The following ABCC6 variants were observed in gnomAD, a reference collection of about 807,000 sequenced individuals.
ABCC6 encodes the protein ATP binding cassette subfamily C member 6.
A neutral mutation model predicts 169.5 loss-of-function variants in ABCC6; 126 were observed. The observed-to-expected ratio is 0.74, with a 90% CI of 0.64 to 0.86. ABCC6 has a LOEUF of 0.86. Ranked by LOEUF, ABCC6 falls within the 40% of genes least tolerant of loss-of-function variation. The pLI, the probability that ABCC6 is intolerant of heterozygous loss-of-function variation, is 0.00. For synonymous variants in ABCC6, 752 were observed against 814.7 expected (o/e 0.92, Z 1.31); for missense variants, 1,733 against 1,927.2 (o/e 0.90, Z 1.89).
intron 29 of ABCC6, among the ~76,000 whole-genome samples, chr16:16,154,354 C>A (rs564190467): frequency 3.6e-4 from 55 of 152,246 alleles, no homozygotes; most frequent in African/African-American, 1.3e-3. Context: ...AAATACTGAG[C>A]AAGAGCAATA....
At chr16:16,184,881 C>T (rs2047597225) in intron 15 of ABCC6, 78 bp downstream of exon 15, 2 of 1,468,896 alleles carry the variant, frequency 1.4e-6, no homozygotes, top group African/African-American at 1.4e-5. Flanking sequence ...CACCACCTCT[C>T]AGGTGGGAGG....
At chr16:16,207,261 G>A (rs1301630179) in intron 7 of ABCC6, among the ~76,000 whole-genome samples, 3 of 152,372 alleles carry the variant, frequency 2.0e-5, no homozygotes, top group South Asian at 4.1e-4. Flanking sequence ...ACCAGTCATG[G>A]CACCAGCCCC....
intron 21 of ABCC6, chr16:16,172,998 C>T: frequency 2.1e-6 from 1 of 468,466 alleles, no homozygotes; most frequent in Non-Finnish European, 3.9e-6. Flanking sequence ...GCTATGATTA[C>T]ATCACTGCGG....
chr16:16,169,290 T>G (rs990989119), intron 22 of ABCC6, among the ~76,000 whole-genome samples: 2 of 152,116 alleles, frequency 1.3e-5, no homozygotes, highest in Non-Finnish European at 2.9e-5. Context: ...TTTCCATTTT[T>G]GAGGAGGAGA....
intron 20 of ABCC6, among the ~76,000 whole-genome samples, chr16:16,174,632 C>A (rs898415833): frequency 6.6e-6 from 1 of 151,636 alleles, no homozygotes. Context: ...TCACATGTGC[C>A]TGTAGTCCCA....
chr16:16,188,811 A>G lies in ABCC6; in HGVS notation c.1779+20T>C, dbSNP rs2152268418. 1 of 1,610,514 alleles carries G rather than the reference A, an allele frequency of 6.2e-7. No homozygotes were observed. The highest frequency in any genetic ancestry group is 8.5e-7 in the Non-Finnish European group (1 of 1,178,468). On this transcript the variant is annotated intron_variant, in intron 13 of 30. Coordinates refer to ENST00000205557, the MANE Select transcript of ABCC6 (RefSeq NM_001171.6). ...CCACGCACTCTCCCAGGATGGCTCC[A>G]GCCCTTGCACCCACCTCACCTGGAC...
chr16:16,182,939 G>A lies in ABCC6; in HGVS notation c.1944-9C>T, dbSNP rs59385722. On this transcript the variant is annotated splice_polypyrimidine_tract_variant and intron_variant, in intron 15 of 30. Coordinates refer to ENST00000205557, the MANE Select transcript of ABCC6 (RefSeq NM_001171.6). ...GCACCGTGAGGTTTATTCTGGACAC[G>A]CAAGAGGGGAGACATGACCTTGGTT... 7.0e-5 allele frequency: 113 copies of A among 1,614,018 alleles called. No individual in the cohort carries two copies. In the East Asian group the frequency reaches 2.3e-3, roughly 32 times the overall value.
intron 7 of ABCC6, among the ~76,000 whole-genome samples, chr16:16,207,684 A>G (rs1394997821): frequency 2.0e-5 from 3 of 152,240 alleles, no homozygotes; most frequent in Admixed American, 2.0e-4. Flanking sequence ...AAACACCAAG[A>G]TCCGGTGAGG....
intron 6 of ABCC6, among the ~76,000 whole-genome samples, chr16:16,211,177 A>C (rs1386230974): frequency 2.0e-5 from 3 of 152,060 alleles, no homozygotes; most frequent in South Asian, 2.1e-4. Flanking sequence ...CGAGGCGGGC[A>C]GATCACCTGA....
chr16:16,150,046 A>C lies in ABCC6; in HGVS notation c.*87T>G. 1.9e-6 allele frequency: 3 copies of C among 1,558,416 alleles called. No individual in the cohort carries two copies. Among genetic ancestry groups the C allele is most frequent in the Non-Finnish European group, 2.6e-6 (3 of 1,145,338 alleles). On this transcript the variant is annotated 3_prime_UTR_variant, in exon 31 of 31. Transcript: ENST00000205557. ...CAGGTCTAGACTCAATATCGTGTGG[A>C]GCTATCGATGACCACGGGTCACTTC...
At chr16:16,219,147 T>C (rs1346339146) in intron 4 of ABCC6, among the ~76,000 whole-genome samples, 1 of 116,760 alleles carries the variant, frequency 8.6e-6, no homozygotes, top group African/African-American at 3.4e-5. Flanking sequence ...AGTGTGTAAA[T>C]ATAGGTGCAT....
chr16:16,172,427 A>G (rs1194928514), intron 21 of ABCC6, among the ~76,000 whole-genome samples: 3 of 97,976 alleles, frequency 3.1e-5, no homozygotes, highest in African/African-American at 4.4e-5. Flanking sequence ...TGGCTAAATG[A>G]GTGGGTGGGA....
intron 12 of ABCC6, 32 bp from the exon 13 acceptor site, chr16:16,189,006 G>A: frequency 6.2e-7 from 1 of 1,612,110 alleles, no homozygotes; most frequent in Non-Finnish European, 8.5e-7. Flanking sequence ...TGGGGCAACA[G>A]TGAGACACGC....
intron 27 of ABCC6, among the ~76,000 whole-genome samples, chr16:16,156,965 C>T (rs1285487483): frequency 8.5e-6 from 1 of 117,578 alleles, no homozygotes; most frequent in African/African-American, 3.0e-5. Flanking sequence ...AAAAAAAAAT[C>T]ACAGGAGAGC....
intron 13 of ABCC6, 70 bp downstream of exon 13, chr16:16,188,761 T>A: frequency 6.5e-7 from 1 of 1,542,666 alleles, no homozygotes; most frequent in Non-Finnish European, 8.8e-7. Flanking sequence ...ATGGCAGGGG[T>A]AGGGAAGCTG....
At chr16:16,158,214 A>G (rs1420459885) in intron 26 of ABCC6, among the ~76,000 whole-genome samples, 2 of 152,172 alleles carry the variant, frequency 1.3e-5, no homozygotes, top group Admixed American at 1.3e-4. Flanking sequence ...AGGGCTAATA[A>G]GAGCAGCAGA....
In ABCC6 at chr16:16,165,683, C is replaced by A. The variant is rs2046850508; in HGVS notation, c.3246G>T (p.Val1082=). ...TGGCCACAGTGGCCAGTGGGGTAGC[C>A]ACTGCCACCACCAGGCTGACCTCCA... is the stretch of plus-strand genomic sequence containing the variant. ...GLLEVSLVVA[V]ATPLATVAIL... is the part of the protein sequence containing the mutation. Residue 1082 remains valine (V), a synonymous_variant, in exon 23 of 31, where the codon GTG becomes GTT. Coordinates refer to ENST00000205557, the MANE Select transcript of ABCC6 (RefSeq NM_001171.6). 1 of 1,612,926 alleles carries A rather than the reference C, an allele frequency of 6.2e-7. No homozygotes were observed. The highest frequency in any genetic ancestry group is 1.3e-5 in the African/African-American group (1 of 74,916).
In ABCC6 at chr16:16,182,408, TC is replaced by T. The variant is rs781566361; in HGVS notation, c.2247+3del. The stretch of plus-strand genomic sequence containing the variant: ...CTGTCCCAAAAAGACCCCCAAACTC[TC>T]ACCTGCTCCCCAATTGAAGTGTGGA... On this transcript the variant is annotated splice_donor_region_variant and intron_variant, in intron 17 of 30. Transcript: ENST00000205557. The T allele has an allele frequency of 6.2e-7, 1 of 1,613,490 alleles. No individual in the cohort carries two copies.
rs2048486816 is a variant in ABCC6, at chr16:16,208,754, C to T, written c.768G>A (p.Trp256Ter). Residue 256 changes from tryptophan to a stop codon, truncating the protein, a stop_gained, in exon 7 of 31, where the codon TGG becomes TGA. Transcript: ENST00000205557. LOFTEE classifies it high-confidence loss of function. ...EELVSRLEKEWMRNRSAARRH... is the reference protein window; with the variant it reads ...EELVSRLEKE ...TCCGGGCTGCACTGCGGTTCCTCAT[C>T]CACTCCTTTTCAAGCCGGGAAACAA... 6.2e-7 allele frequency: 1 copy of T among 1,613,636 alleles called. No individual in the cohort carries two copies. Among genetic ancestry groups the T allele is most frequent in the Non-Finnish European group, 8.5e-7 (1 of 1,179,756 alleles).
Sources: gnomAD v4.1 joint callset for allele counts (sites outside exome capture counted in the v4.1 genomes callset) on GRCh38, gnomAD v4.1.1 for gene constraint, MANE v1.5 for transcripts, NCBI Gene and HGNC (gene_info 2026-07-23, HGNC 2026-07-21) for gene names.